The following ZNF470 variants were observed in gnomAD, a reference collection of about 807,000 sequenced individuals.
ZNF470 encodes the protein chondrogenesis zinc finger protein 1.
A neutral mutation model predicts 13.9 loss-of-function variants in ZNF470; 13 were observed. That is an observed-to-expected ratio of 0.94 (90% confidence interval 0.61 to 1.49). ZNF470 has a LOEUF of 1.49. ZNF470 is among the 40% of genes most tolerant of loss of function. ZNF470 has a pLI of 0.00. For synonymous variants in ZNF470, 293 were observed against 282.9 expected, an observed-to-expected ratio of 1.04 and a Z score of -0.36; for missense variants, 929 against 857.3, an observed-to-expected ratio of 1.08 and a Z score of -1.04.
chr19:56,571,152 A>G (rs1306314620), intron 3 of ZNF470, among the ~76,000 whole-genome samples: 1 of 152,180 alleles, frequency 6.6e-6, no homozygotes, highest in African/African-American at 2.4e-5. Flanking sequence ...TGTTCTCCCC[A>G]TTTGACCATG....
Position 56,579,128 on chromosome 19 carries a change from A to G in ZNF470, c.*545A>G, listed in dbSNP as rs2044516145. The G allele has an allele frequency of 2.0e-6, 2 of 985,518 alleles. No individual in the cohort carries two copies. The highest frequency in any genetic ancestry group is 2.4e-6 in the Non-Finnish European group (2 of 829,978). 61.0% of individuals were successfully genotyped at this position (985,518 alleles called of 1,614,324 possible). On this transcript the variant is annotated 3_prime_UTR_variant, in exon 6 of 6. Transcript: ENST00000330619. ...GAGAAGTGAGAATCAGCCAATTAGAACAAAAGCTTTTAGCTGGGTGCGGTG... is the reference window on the plus strand; with the variant it reads ...GAGAAGTGAGAATCAGCCAATTAGAGCAAAAGCTTTTAGCTGGGTGCGGTG...
intron 5 of ZNF470, among the ~76,000 whole-genome samples, chr19:56,576,215 C>G (rs1408724713): frequency 6.6e-6 from 1 of 151,646 alleles, no homozygotes; most frequent in East Asian, 1.9e-4. Flanking sequence ...ATAACTGATA[C>G]CAAGAGGAGA....
rs779016415 is a variant in ZNF470, at chr19:56,577,497, T to C, written c.1068T>C (p.Ala356=). 2.5e-6 allele frequency: 4 copies of C among 1,613,474 alleles called. No individual in the cohort carries two copies. Among genetic ancestry groups the C allele is most frequent in the South Asian group, 1.1e-5 (1 of 91,060 alleles). ...GKAFSDCSSL[A]HHRRIHTGKR... ...CTTTTAGTGATTGCTCATCCCTAGC[T>C]CATCATCGAAGGATTCACACTGGGA... The change falls in exon 6 of 6, where the codon GCT becomes GCC. Residue 356 remains alanine (A), a synonymous_variant. Coordinates refer to ENST00000330619, the MANE Select transcript of ZNF470 (RefSeq NM_001001668.4).
Position 56,574,618 on chromosome 19 carries a change from A to G in ZNF470, c.188-20A>G. 2.5e-6 allele frequency: 4 copies of G among 1,612,258 alleles called. No individual in the cohort carries two copies. Among genetic ancestry groups the G allele is most frequent in the South Asian group, 1.1e-5 (1 of 90,886 alleles). On this transcript the variant is annotated intron_variant, in intron 4 of 5. Coordinates refer to ENST00000330619, the MANE Select transcript of ZNF470 (RefSeq NM_001001668.4). ...GTTTTCCACAGCATAGGCAATTTTT[A>G]TATGTCTTTTTACATGCAGGTCTTT...
rs1050010646 is a variant in ZNF470, at chr19:56,581,535, A to G, written c.*2952A>G. 33 of 787,700 alleles carry G rather than the reference A, an allele frequency of 4.2e-5. No individual in the cohort carries two copies. Among genetic ancestry groups the G allele is most frequent in the Non-Finnish European group, 4.8e-5 (31 of 650,080 alleles). The allele number at this position is 787,700 out of a possible 1,614,324, so 48.8% of individuals were successfully genotyped here. On this transcript the variant is annotated 3_prime_UTR_variant, in exon 6 of 6. Transcript: ENST00000330619. ...GGGTAATAAATAAATTAATTATGGT[A>G]TATATCCATTCAATAGGAATTATGC...
chr19:56,573,513 T>C (rs776439688), intron 3 of ZNF470, among the ~76,000 whole-genome samples: 2 of 152,226 alleles, frequency 1.3e-5, no homozygotes. Flanking sequence ...CATAAAAAAA[T>C]TGAAAATCTC....
intron 1 of ZNF470, among the ~76,000 whole-genome samples, chr19:56,568,308 T>C (rs1466465436): frequency 1.3e-5 from 2 of 152,178 alleles, no homozygotes; most frequent in African/African-American, 4.8e-5. Context: ...ACACTACCCG[T>C]AATATTACCC....
At position 56,576,784 on chromosome 19, in the gene ZNF470, G is replaced by T; in HGVS notation, c.355G>T (p.Ala119Ser). ...QDIYEEKLPP[A>S]IIMERLKSYD... ...TATTTATGAAGAAAAATTACCCCCG[G>T]CAATCATAATGGAAAGACTTAAAAG... Residue 119 changes from alanine (A) to serine (S), a missense_variant, in exon 6 of 6, where the codon GCA becomes TCA. By Grantham distance (99) the Ala-to-Ser change is moderately conservative. Transcript: ENST00000330619. The T allele has an allele frequency of 6.5e-7, 1 of 1,546,568 alleles. No homozygotes were observed. The highest frequency in any genetic ancestry group is 8.7e-7 in the Non-Finnish European group (1 of 1,152,116).
chr19:56,581,939 A>C lies in ZNF470; in HGVS notation c.*3356A>C. The C allele has an allele frequency of 5.1e-6, 5 of 985,386 alleles. No homozygotes were observed. Among genetic ancestry groups the C allele is most frequent in the Non-Finnish European group, 6.0e-6 (5 of 829,922 alleles). The allele number at this position is 985,386 out of a possible 1,614,324, so 61.0% of individuals were successfully genotyped here. On this transcript the variant is annotated 3_prime_UTR_variant, in exon 6 of 6. Transcript: ENST00000330619. The stretch of plus-strand genomic sequence containing the variant: ...AACCACCCTGGTTTTTGTACTTTCC[A>C]AGTCTGTGATTCCTCAAACTACCCA...
rs773111063 is a variant in ZNF470 at position 56,578,150 on chromosome 19, T to G, written c.1721T>G (p.Phe574Cys). The G allele has an allele frequency of 3.1e-6, 5 of 1,613,998 alleles. No homozygotes were observed. Among genetic ancestry groups the G allele is most frequent in the Non-Finnish European group, 3.4e-6 (4 of 1,180,026 alleles). ...PYECIECGKA[F>C]SDGSYLVQHQ... is the part of the protein sequence containing the mutation. The stretch of plus-strand genomic sequence containing the variant: ...GAATGTATTGAATGTGGGAAGGCCT[T>G]TAGTGATGGCTCATATCTTGTTCAA... Residue 574 changes from phenylalanine to cysteine, a missense_variant, in exon 6 of 6, where the codon TTT becomes TGT. Phe to Cys is a radical substitution (Grantham distance 205, BLOSUM62 -2). Coordinates refer to ENST00000330619, the MANE Select transcript of ZNF470 (RefSeq NM_001001668.4).
intron 3 of ZNF470, among the ~76,000 whole-genome samples, chr19:56,570,944 G>A (rs377020146): frequency 3.9e-5 from 6 of 152,318 alleles, no homozygotes; most frequent in Middle Eastern, 3.4e-3. Context: ...GAAGTCTACC[G>A]TATTTTAGCT....
At chr19:56,573,974 A>T in intron 3 of ZNF470, 2 of 984,778 alleles carry the variant, frequency 2.0e-6, no homozygotes, top group Non-Finnish European at 2.4e-6. Context: ...GATTGAAATC[A>T]TGTTCATCAG....
Position 56,567,847 on chromosome 19 carries a change from C to G in ZNF470, c.-350C>G. Reference sequence around the variant, plus strand: ...GGAAACCCGGCCGGAGGAGGCTTACCCCGTTCTCCCCTGTATCGACTGCGT... The same window carrying G: ...GGAAACCCGGCCGGAGGAGGCTTACGCCGTTCTCCCCTGTATCGACTGCGT... On this transcript the variant is annotated 5_prime_UTR_variant, in exon 1 of 6. Transcript: ENST00000330619. 4.1e-6 allele frequency: 4 copies of G among 986,106 alleles called. No individual in the cohort carries two copies. Among genetic ancestry groups the G allele is most frequent in the Non-Finnish European group, 4.8e-6 (4 of 830,552 alleles). 61.1% of individuals were successfully genotyped at this position (986,106 alleles called of 1,614,324 possible).
chr19:56,582,741 G>C lies in ZNF470; in HGVS notation c.*4158G>C, dbSNP rs140578492. 415 of 205,200 alleles carry C rather than the reference G, an allele frequency of 2.0e-3. 2 individuals are homozygous for C. The highest frequency in any genetic ancestry group is 9.1e-3 in the African/African-American group (385 of 42,434). 12.7% of individuals were successfully genotyped at this position (205,200 alleles called of 1,614,324 possible). ...ACCAGAGGTTTGTCTCTCCACATGT[G>C]CACAGAGGAAATGCTGTGTAAGGAC... On this transcript the variant is annotated 3_prime_UTR_variant, in exon 6 of 6. Transcript: ENST00000330619.
At chr19:56,574,892 C>T (rs904132361) in intron 5 of ZNF470, among the ~76,000 whole-genome samples, 159 bp downstream of exon 5, 7 of 152,142 alleles carry the variant, frequency 4.6e-5, no homozygotes, top group African/African-American at 1.7e-4. Flanking sequence ...GTGTAACTTG[C>T]CTCCTTTACC....
Position 56,579,444 on chromosome 19 carries a change from C to T in ZNF470, c.*861C>T, listed in dbSNP as rs1158296054. 5.1e-6 allele frequency: 5 copies of T among 985,184 alleles called. No homozygotes were observed. The South Asian group carries it at 2.3e-4, about 46-fold the overall frequency. The allele number at this position is 985,184 out of a possible 1,614,324, so 61.0% of individuals were successfully genotyped here. A position where few individuals can be genotyped will look rare whatever the true frequency, so the allele number is the denominator to read the frequency against. ...CTCAAGGAAAAACAAAGAACAAAAG[C>T]ATTTGGTAGAATGTAGGACTAACCA... On this transcript the variant is annotated 3_prime_UTR_variant, in exon 6 of 6. Coordinates refer to ENST00000330619, the MANE Select transcript of ZNF470 (RefSeq NM_001001668.4).
Position 56,574,552 on chromosome 19 carries a change from T to G in ZNF470, c.187+32T>G, listed in dbSNP as rs1334522793. On this transcript the variant is annotated intron_variant, in intron 4 of 5. Coordinates refer to ENST00000330619, the MANE Select transcript of ZNF470 (RefSeq NM_001001668.4). ...GTATCTTCCTCCTGTTGCCTCCCCA[T>G]GACTCAGTAGTCTTTTATGCCATTA... 4 of 1,612,830 alleles carry G rather than the reference T, an allele frequency of 2.5e-6. No individual in the cohort carries two copies. The East Asian group carries it at 8.9e-5, about 36-fold the overall frequency.
chr19:56,580,091 G>A lies in ZNF470; in HGVS notation c.*1508G>A, dbSNP rs947150742. The A allele has an allele frequency of 3.3e-6, 3 of 920,058 alleles. No homozygotes were observed. In the African/African-American group the frequency reaches 5.4e-5, roughly 16 times the overall value. 57.0% of individuals were successfully genotyped at this position (920,058 alleles called of 1,614,324 possible). On this transcript the variant is annotated 3_prime_UTR_variant, in exon 6 of 6. Coordinates refer to ENST00000330619, the MANE Select transcript of ZNF470 (RefSeq NM_001001668.4). The stretch of plus-strand genomic sequence containing the variant: ...ATAAGTATATGATATGTCCCATAAA[G>A]AGAAATGATATAAAAAAGAAGCTAG...
In ZNF470 at chr19:56,579,931, T is replaced by G. The variant is rs900157525; in HGVS notation, c.*1348T>G. The G allele has an allele frequency of 3.4e-6, 1 of 292,890 alleles. No homozygotes were observed. Among genetic ancestry groups the G allele is most frequent in the Non-Finnish European group, 5.1e-6 (1 of 197,230 alleles). 18.1% of individuals were successfully genotyped at this position (292,890 alleles called of 1,614,324 possible). A position where few individuals can be genotyped will look rare whatever the true frequency, so the allele number is the denominator to read the frequency against. On this transcript the variant is annotated 3_prime_UTR_variant, in exon 6 of 6. Coordinates refer to ENST00000330619, the MANE Select transcript of ZNF470 (RefSeq NM_001001668.4). ...GTAGTTTACATTAGGAATGTAGTACTAATACTAATTGAACATTTGCTAATG... is the reference window on the plus strand; with the variant it reads ...GTAGTTTACATTAGGAATGTAGTACGAATACTAATTGAACATTTGCTAATG...
Sources: gnomAD v4.1 joint callset for allele counts (sites outside exome capture counted in the v4.1 genomes callset) on GRCh38, gnomAD v4.1.1 for gene constraint, MANE v1.5 for transcripts, NCBI Gene and HGNC (gene_info 2026-07-23, HGNC 2026-07-21) for gene names.